Variants in FXYD4 observed in about 807,000 individuals in gnomAD.
FXYD4 encodes FXYD domain-containing ion transport regulator 4.
In FXYD4, 14 loss-of-function variants were observed where a neutral mutation model predicts 18.3. The observed-to-expected ratio is 0.77, with a 90% CI of 0.51 to 1.20. FXYD4 has a LOEUF of 1.20. Ranked by LOEUF, FXYD4 falls within the 50% of genes most tolerant of loss-of-function variation. The pLI is 0.00. For synonymous variants in FXYD4, 40 were observed against 40.5 expected (o/e 0.99, Z 0.04); for missense variants, 99 against 106.1 (o/e 0.93, Z 0.29).
chr10:43,373,501 C>T lies in FXYD4; in HGVS notation c.-232-14C>T, dbSNP rs1837832218. 3.5e-6 allele frequency: 2 copies of T among 574,176 alleles called. No individual in the cohort carries two copies. The allele number at this position is 574,176 out of a possible 1,614,324, so 35.6% of individuals were successfully genotyped here. A position where few individuals can be genotyped will look rare whatever the true frequency, so the allele number is the denominator to read the frequency against. ...TCTTAGCTTGTGCTTACTCAATCCA[C>T]ACAACTCCCCCAGGCCACCACCATC... On this transcript the variant is annotated splice_polypyrimidine_tract_variant and intron_variant, in intron 2 of 8. Transcript: ENST00000476166.
At chr10:43,374,086 G>A (rs1837839123) in intron 3 of FXYD4, among the ~76,000 whole-genome samples, 1 of 152,044 alleles carries the variant, frequency 6.6e-6, no homozygotes, top group Non-Finnish European at 1.5e-5. Flanking sequence ...GGCCAAGGTG[G>A]GAGGATCACT....
chr10:43,372,578 C>CCCGG (rs1837821121), intron 1 of FXYD4, 149 bp from the exon 2 acceptor site: 1 of 152,234 alleles, frequency 6.6e-6, no homozygotes. Flanking sequence ...AGCCACTGCG[C>CCCGG]CCGGCCTATG....
chr10:43,375,575 T>G lies in FXYD4; in HGVS notation c.172+2T>G, dbSNP rs866246588. 2 of 1,613,242 alleles carry G rather than the reference T, an allele frequency of 1.2e-6. No homozygotes were observed. The highest frequency in any genetic ancestry group is 1.7e-4 in the Middle Eastern group (1 of 6,060). On this transcript the variant is annotated splice_donor_variant, in intron 6 of 8. Transcript: ENST00000476166. LOFTEE classifies it high-confidence loss of function. ...TTGCTGGGATCGCGGCAGTTCTGAG[T>G]GAGTGGCAGGACAGGTGGGGCTGGA...
chr10:43,374,369 C>T lies in FXYD4; in HGVS notation c.38-101C>T, dbSNP rs569290320. On this transcript the variant is annotated intron_variant, in intron 3 of 8. Transcript: ENST00000476166. ...GCGTGAGGAAGGGAACTGGTGGCTC[C>T]AGGGTCACCCCACAACCTCCGGGCT... 5.9e-4 allele frequency: 686 copies of T among 1,159,296 alleles called. 12 individuals are homozygous for T. In the South Asian group the frequency reaches 8.0e-3, roughly 14 times the overall value. The allele number at this position is 1,159,296 out of a possible 1,614,324, so 71.8% of individuals were successfully genotyped here. A position where few individuals can be genotyped will look rare whatever the true frequency, so the allele number is the denominator to read the frequency against.
At chr10:43,372,387 T>A (rs890645900) in intron 1 of FXYD4, among the ~76,000 whole-genome samples, 3 of 152,082 alleles carry the variant, frequency 2.0e-5, no homozygotes, top group Non-Finnish European at 4.4e-5. Flanking sequence ...CAGGTTTAAG[T>A]GATTCTCCTG....
chr10:43,374,635 C>T lies in FXYD4; in HGVS notation c.93C>T (p.Tyr31=). The part of the protein sequence containing the change: ...DPFANKDDPF[Y]YDWKNLQLSG... ...TAGCCAATAAAGACGATCCCTTCTA[C>T]TATGGTAAGAGCTGATATTCCCACC... Residue 31 remains tyrosine (Y), a synonymous_variant, in exon 5 of 9, where the codon TAC becomes TAT. Transcript: ENST00000476166. 1.2e-6 allele frequency: 2 copies of T among 1,612,924 alleles called. No homozygotes were observed. Among genetic ancestry groups the T allele is most frequent in the Non-Finnish European group, 1.7e-6 (2 of 1,178,906 alleles).
intron 6 of FXYD4, 40 bp from the exon 7 acceptor site, chr10:43,375,655 C>A: frequency 6.2e-7 from 1 of 1,610,696 alleles, no homozygotes; most frequent in Non-Finnish European, 8.5e-7. Flanking sequence ...TGCTCTCATT[C>A]CAGCACTGAC....
At chr10:43,373,403 G>T in intron 2 of FXYD4, 112 bp from the exon 3 acceptor site, 2 of 322,456 alleles carry the variant, frequency 6.2e-6, no homozygotes, top group Non-Finnish European at 1.2e-5. Flanking sequence ...GGGAGGAGTA[G>T]GGGGTGGGTT....
At chr10:43,373,403 G>A (rs1290743553) in intron 2 of FXYD4, 112 bp from the exon 3 acceptor site, 1 of 322,338 alleles carries the variant, frequency 3.1e-6, no homozygotes, top group East Asian at 5.2e-5. Context: ...GGGAGGAGTA[G>A]GGGGTGGGTT....
At position 43,375,572 on chromosome 10, in the gene FXYD4, G is replaced by A. The variant is rs1837860215; in HGVS notation, c.171G>A (p.Leu57=). The A allele has an allele frequency of 6.2e-7, 1 of 1,613,606 alleles. No individual in the cohort carries two copies. The highest frequency in any genetic ancestry group is 8.5e-7 in the Non-Finnish European group (1 of 1,179,596). ...LLAIAGIAAV[L]SGKCKCKSSQ... is the part of the protein sequence containing the mutation. The stretch of plus-strand genomic sequence containing the variant: ...CCATTGCTGGGATCGCGGCAGTTCT[G>A]AGTGAGTGGCAGGACAGGTGGGGCT... The change falls in exon 6 of 9, where the codon CTG becomes CTA. Residue 57 remains leucine (L), a splice_region_variant and synonymous_variant. Coordinates refer to ENST00000476166, the MANE Select transcript of FXYD4 (RefSeq NM_173160.3).
At chr10:43,375,671 C>G (rs756968887) in intron 6 of FXYD4, 24 bp from the exon 7 acceptor site, 1 of 1,613,708 alleles carries the variant, frequency 6.2e-7, no homozygotes, top group Non-Finnish European at 8.5e-7. Flanking sequence ...CTGACCCTGG[C>G]GCTGACCCCT....
At position 43,373,603 on chromosome 10, in the gene FXYD4, C is replaced by G; in HGVS notation, c.-144C>G. The G allele has an allele frequency of 1.4e-6, 1 of 708,324 alleles. No homozygotes were observed. The highest frequency in any genetic ancestry group is 2.6e-6 in the Non-Finnish European group (1 of 385,698). The allele number at this position is 708,324 out of a possible 1,614,324, so 43.9% of individuals were successfully genotyped here. Reference sequence around the variant, plus strand: ...AAGTGTATCCTTGGGGTTTGTACACCTACTTTCACCATGGGGCTCTGCCTG... The same window carrying G: ...AAGTGTATCCTTGGGGTTTGTACACGTACTTTCACCATGGGGCTCTGCCTG... On this transcript the variant is annotated 5_prime_UTR_variant, in exon 3 of 9. Coordinates refer to ENST00000476166, the MANE Select transcript of FXYD4 (RefSeq NM_173160.3).
At chr10:43,375,645 T>C (rs1274789419) in intron 6 of FXYD4, 50 bp from the exon 7 acceptor site, 1 of 1,607,694 alleles carries the variant, frequency 6.2e-7, no homozygotes, top group South Asian at 1.1e-5. Context: ...AAAGAGAGAG[T>C]GCTCTCATTC....
intron 4 of FXYD4, 41 bp from the exon 5 acceptor site, chr10:43,374,572 C>T: frequency 6.2e-7 from 1 of 1,613,050 alleles, no homozygotes; most frequent in East Asian, 2.2e-5. Context: ...ATCCTGTCTC[C>T]TGGTTCTGGT....
intron 7 of FXYD4, 46 bp downstream of exon 7, chr10:43,375,780 G>A (rs773295294): frequency 1.3e-5 from 21 of 1,586,208 alleles, no homozygotes; most frequent in East Asian, 6.7e-5. Context: ...GCAGAACTAC[G>A]GGGGGACAGT....
chr10:43,374,586 G>A (rs200217336), intron 4 of FXYD4, 27 bp from the exon 5 acceptor site: 54 of 1,613,554 alleles, frequency 3.3e-5, no homozygotes, highest in Non-Finnish European at 4.5e-5. Context: ...TTCTGGTTCT[G>A]AAGTCTTTTT....
rs1000299501 is a variant in FXYD4 at position 43,376,317 on chromosome 10, C to T, written c.*151C>T. On this transcript the variant is annotated 3_prime_UTR_variant, in exon 9 of 9. Transcript: ENST00000476166. ...TCAGGAGGCTTCTTTATGAATTAAACTCGCCCCACCACCCCCTCCTCGGTA... is the reference window on the plus strand; with the variant it reads ...TCAGGAGGCTTCTTTATGAATTAAATTCGCCCCACCACCCCCTCCTCGGTA... 3.4e-5 allele frequency: 25 copies of T among 745,862 alleles called. No homozygotes were observed. Among genetic ancestry groups the T allele is most frequent in the Non-Finnish European group, 5.7e-5 (25 of 438,498 alleles). The allele number at this position is 745,862 out of a possible 1,614,324, so 46.2% of individuals were successfully genotyped here.
chr10:43,372,477 GT>G (rs1837820034), intron 1 of FXYD4, among the ~76,000 whole-genome samples: 1 of 152,080 alleles, frequency 6.6e-6, no homozygotes. Flanking sequence ...TATAGATGGG[GT>G]TTTGCCATGT....
chr10:43,375,759 C>T, intron 7 of FXYD4, 25 bp downstream of exon 7: 1 of 1,611,890 alleles, frequency 6.2e-7, no homozygotes, highest in Non-Finnish European at 8.5e-7. Flanking sequence ...ATGGTGCCCT[C>T]CTCCTTCGGG....
Sources: gnomAD v4.1 joint callset for allele counts (sites outside exome capture counted in the v4.1 genomes callset) on GRCh38, gnomAD v4.1.1 for gene constraint, MANE v1.5 for transcripts, NCBI Gene and HGNC (gene_info 2026-07-23, HGNC 2026-07-21) for gene names.